The following DOCK7 variants were observed in gnomAD, a reference collection of about 807,000 sequenced individuals.
The protein encoded by DOCK7 is dedicator of cytokinesis protein 7.
A neutral mutation model predicts 271.0 loss-of-function variants in DOCK7; 138 were observed. The observed-to-expected ratio is 0.51, with a 90% CI of 0.44 to 0.59. DOCK7 has a LOEUF of 0.59. Ranked by LOEUF, DOCK7 falls within the 20% of genes least tolerant of loss-of-function variation. The pLI is 0.00. For missense variants in DOCK7, 2,066 were observed against 2,592.4 expected, an observed-to-expected ratio of 0.80 and a Z score of 4.41; for synonymous variants, 823 against 876.1, an observed-to-expected ratio of 0.94 and a Z score of 1.07.
chr1:62,648,543 A>G lies in DOCK7; in HGVS notation c.391T>C (p.Tyr131His). ...TEDWAIVIRK[Y>H]HKLGTGFNPN... Reference sequence around the variant, plus strand: ...TTAAATCCTGTTCCCAATTTATGATATCTATTAAAGAAAAAAAGTTAAATA... The same window carrying G: ...TTAAATCCTGTTCCCAATTTATGATGTCTATTAAAGAAAAAAAGTTAAATA... Residue 131 changes from tyrosine (Y) to histidine (H), a missense_variant and splice_region_variant, in exon 5 of 50, where the codon TAT becomes CAT. Around this residue, in one of 2 missense-constraint regions of DOCK7, gnomAD observed 1,414 missense variants for 1,670.4 expected, o/e 0.85. Transcript: ENST00000635253. 7.7e-7 allele frequency: 1 copy of G among 1,307,058 alleles called. No homozygotes were observed. The highest frequency in any genetic ancestry group is 2.8e-5 in the East Asian group (1 of 35,474). 81.0% of individuals were successfully genotyped at this position (1,307,058 alleles called of 1,614,324 possible).
intron 15 of DOCK7, among the ~76,000 whole-genome samples, chr1:62,583,459 T>G (rs926734647): frequency 6.6e-6 from 1 of 152,240 alleles, no homozygotes; most frequent in African/African-American, 2.4e-5. Context: ...CATCTGACAT[T>G]TAAATATTTC....
chr1:62,524,715 T>C (rs1009413372), intron 31 of DOCK7, among the ~76,000 whole-genome samples: 1 of 151,492 alleles, frequency 6.6e-6, no homozygotes, highest in South Asian at 2.1e-4. Flanking sequence ...CTGGCCAACA[T>C]AGTGAAACCC....
At chr1:62,504,044 C>T (rs953666819) in intron 37 of DOCK7, among the ~76,000 whole-genome samples, 1 of 84,248 alleles carries the variant, frequency 1.2e-5, no homozygotes, top group African/African-American at 3.6e-5. Flanking sequence ...GAGACTCCGT[C>T]TCAAAAAAAA....
chr1:62,658,165 A>G (rs1039219503), intron 2 of DOCK7, among the ~76,000 whole-genome samples: 1 of 151,972 alleles, frequency 6.6e-6, no homozygotes, highest in African/African-American at 2.4e-5. Context: ...AGAAAAGAAA[A>G]AAGAAAGGCC....
chr1:62,577,796 G>A (rs1009975659), intron 17 of DOCK7, among the ~76,000 whole-genome samples: 1 of 152,160 alleles, frequency 6.6e-6, no homozygotes, highest in African/African-American at 2.4e-5. Flanking sequence ...AACTGCAAGA[G>A]ACAAAAATAA....
chr1:62,549,314 G>C (rs1571499188), intron 22 of DOCK7, among the ~76,000 whole-genome samples: 1 of 152,272 alleles, frequency 6.6e-6, no homozygotes, highest in East Asian at 1.9e-4. Flanking sequence ...AAGGGTGCTG[G>C]TGACACTAAC....
At chr1:62,598,617 A>G in intron 14 of DOCK7, 1 of 776,880 alleles carries the variant, frequency 1.3e-6, no homozygotes, top group Non-Finnish European at 2.3e-6. Context: ...TTAAAAATTT[A>G]GATTATGATA....
At chr1:62,470,353 T>C (rs950809663) in intron 48 of DOCK7, among the ~76,000 whole-genome samples, 1 of 152,116 alleles carries the variant, frequency 6.6e-6, no homozygotes, top group Non-Finnish European at 1.5e-5. Flanking sequence ...ACTCATTAAG[T>C]GGGAGCTAAG....
intron 37 of DOCK7, among the ~76,000 whole-genome samples, chr1:62,501,783 A>C (rs1424232865): frequency 6.6e-6 from 1 of 152,074 alleles, no homozygotes; most frequent in African/African-American, 2.4e-5. Context: ...TACTCTTTTT[A>C]CTTGATGCAA....
chr1:62,604,463 T>C, intron 14 of DOCK7: 1 of 894,828 alleles, frequency 1.1e-6, no homozygotes, highest in Non-Finnish European at 1.7e-6. Context: ...TATAGATTAT[T>C]TATACAGATT....
intron 14 of DOCK7, chr1:62,601,744 T>C (rs776665464): frequency 2.8e-6 from 4 of 1,421,890 alleles, no homozygotes; most frequent in Non-Finnish European, 3.0e-6. Flanking sequence ...CTAAATCTGA[T>C]GTAATAACAT....
At position 62,577,267 on chromosome 1, in the gene DOCK7, G is replaced by A; in HGVS notation, c.2107C>T (p.Pro703Ser). 1 of 1,511,208 alleles carries A rather than the reference G, an allele frequency of 6.6e-7. No individual in the cohort carries two copies. Among genetic ancestry groups the A allele is most frequent in the Non-Finnish European group, 8.9e-7 (1 of 1,118,556 alleles). The allele number at this position is 1,511,208 out of a possible 1,614,324, so 93.6% of individuals were successfully genotyped here. ...TCAACATGGGAGACACTGACCTCAG[G>A]AGACAGTACAGAATAAGCCTGTGGT... is the stretch of plus-strand genomic sequence containing the variant. ...KPPQAYSVLSPEVPLPGMKWV... is the reference protein window; with the variant it reads ...KPPQAYSVLSSEVPLPGMKWV... The change falls in exon 18 of 50, where the codon CCT (proline) becomes TCT (serine). Residue 703 changes from proline to serine, a missense_variant. Physicochemically the swap from Pro to Ser is moderately conservative, Grantham distance 74 (BLOSUM62 -1). This residue lies in a region of DOCK7 where 1,414 missense variants were observed against 1,670.4 expected (regional missense o/e 0.85). Coordinates refer to ENST00000635253, the MANE Select transcript of DOCK7 (RefSeq NM_001367561.1).
intron 42 of DOCK7, 67 bp downstream of exon 42, chr1:62,488,866 CA>C (rs753733920): frequency 6.3e-7 from 1 of 1,594,594 alleles, no homozygotes; most frequent in Non-Finnish European, 8.6e-7. Flanking sequence ...GACATCAGTG[CA>C]AAACAACATT....
At chr1:62,461,796 G>A (rs1212839791) in intron 48 of DOCK7, among the ~76,000 whole-genome samples, 1 of 152,104 alleles carries the variant, frequency 6.6e-6, no homozygotes, top group Non-Finnish European at 1.5e-5. Context: ...TTAAGGCCGA[G>A]CACAGTGGCT....
chr1:62,624,948 G>A (rs1313401345), intron 12 of DOCK7: 1 of 170,310 alleles, frequency 5.9e-6, no homozygotes, highest in Non-Finnish European at 1.2e-5. Flanking sequence ...TCCAGCCTGG[G>A]CAACAGAGCG....
chr1:62,556,716 A>G (rs1229523698), intron 20 of DOCK7, among the ~76,000 whole-genome samples: 1 of 152,194 alleles, frequency 6.6e-6, no homozygotes, highest in African/African-American at 2.4e-5. Context: ...ATAGGATCTT[A>G]GATTCTATAA....
chr1:62,632,976 CA>C (rs1654808835), intron 10 of DOCK7, among the ~76,000 whole-genome samples: 1 of 146,828 alleles, frequency 6.8e-6, no homozygotes, highest in African/African-American at 2.5e-5. Context: ...GACTATGTCT[CA>C]AAAGAAAAAA....
chr1:62,604,715 GAGGAGA>G, intron 14 of DOCK7: 1 of 1,613,188 alleles, frequency 6.2e-7, no homozygotes. Context: ...CTAAGCCAGA[GAGGAGA>G]AGAGGATTAT....
At chr1:62,661,114 A>G (rs950275394) in intron 2 of DOCK7, among the ~76,000 whole-genome samples, 6 of 151,756 alleles carry the variant, frequency 4.0e-5, no homozygotes, top group African/African-American at 1.5e-4. Context: ...AAAAAAAAAG[A>G]TACAGGCCAC....
Sources: gnomAD v4.1 joint callset for allele counts (sites outside exome capture counted in the v4.1 genomes callset) on GRCh38, gnomAD v4.1.1 for gene constraint, gnomAD v4.1.1 regional missense constraint, MANE v1.5 for transcripts, NCBI Gene and HGNC (gene_info 2026-07-23, HGNC 2026-07-21) for gene names.